SHISA9: variants seen among roughly 807,000 people sequenced by gnomAD.
The protein encoded by SHISA9 is protein shisa-9.
Under a neutral mutation model 38.0 loss-of-function variants are expected in SHISA9, and 13 were observed. The observed-to-expected ratio is 0.34, with a 90% CI of 0.22 to 0.54. The LOEUF (loss-of-function observed/expected upper bound fraction) is 0.54. SHISA9 is among the 20% of genes least tolerant of loss of function. The probability of loss-of-function intolerance (pLI) is 0.91; values close to 1 mark genes in which losing one functional copy is unlikely to be tolerated. For missense variants in SHISA9, 538 were observed against 575.8 expected (o/e 0.93, Z 0.67); for synonymous variants, 275 against 242.0 (o/e 1.14, Z -1.27).
At chr16:13,308,298 A>C in the SHISA9 span, among the ~76,000 whole-genome samples, 1 of 152,014 alleles carries the variant, frequency 6.6e-6, no homozygotes, top group African/African-American at 2.4e-5. Context: ...TATGAGTGAC[A>C]ATGTGGATGA....
chr16:13,532,038 C>G, the SHISA9 span, among the ~76,000 whole-genome samples: 1 of 152,158 alleles, frequency 6.6e-6, no homozygotes, highest in Non-Finnish European at 1.5e-5. Flanking sequence ...TTTCTGCCTC[C>G]CCTCTAAGGA....
the SHISA9 span, among the ~76,000 whole-genome samples, chr16:13,477,866 G>A: frequency 1.3e-5 from 2 of 152,206 alleles, no homozygotes; most frequent in African/African-American, 2.4e-5. Flanking sequence ...TTGGGAGGCT[G>A]AGGCAGGAGA....
intron 2 of SHISA9, among the ~76,000 whole-genome samples, chr16:13,079,825 T>C (rs4781400): frequency 0.054 from 8,167 of 152,280 alleles, 362 homozygotes; most frequent in Admixed American, 0.14. Context: ...AAAACTCTTA[T>C]GTAATGCCAG....
chr16:13,458,875 T>C, the SHISA9 span, among the ~76,000 whole-genome samples: 1 of 148,814 alleles, frequency 6.7e-6, no homozygotes, highest in Non-Finnish European at 1.5e-5. Context: ...TTGTTTTTTG[T>C]TTTTTTTTTA....
At chr16:12,921,548 G>C (rs182359895) in intron 2 of SHISA9, among the ~76,000 whole-genome samples, 77 of 152,260 alleles carry the variant, frequency 5.1e-4, no homozygotes, top group Non-Finnish European at 1.1e-3. Context: ...GATCGTTTGA[G>C]GTCAGGAGTT....
chr16:13,550,656 A>G, the SHISA9 span, among the ~76,000 whole-genome samples: 2 of 152,258 alleles, frequency 1.3e-5, no homozygotes, highest in East Asian at 1.9e-4. Context: ...TTTTAAAAAT[A>G]GCTTCCCTAC....
rs546885051 is a variant in SHISA9 at position 13,237,412 on chromosome 16, C to T, written c.*2003C>T. ...GCACAGTGGCTCACACCTAAAATCC[C>T]AGCACTTTGGGAGGCTGAAGCAGGT... is the stretch of plus-strand genomic sequence containing the variant. On this transcript the variant is annotated 3_prime_UTR_variant, in exon 5 of 5. Coordinates refer to ENST00000558583, the MANE Select transcript of SHISA9 (RefSeq NM_001145204.3). 8 of 152,152 alleles carry T rather than the reference C, an allele frequency of 5.3e-5. No homozygotes were observed. Among genetic ancestry groups the T allele is most frequent in the East Asian group, 1.9e-4 (1 of 5,150 alleles). The allele number at this position is 152,152 out of a possible 1,614,324, so 9.4% of individuals were successfully genotyped here.
At chr16:13,124,474 G>T (rs2050239932) in intron 2 of SHISA9, among the ~76,000 whole-genome samples, 1 of 152,156 alleles carries the variant, frequency 6.6e-6, no homozygotes, top group Non-Finnish European at 1.5e-5. Flanking sequence ...ACTGTTAGCA[G>T]TTTATGTGAT....
At chr16:13,003,215 C>T (rs1013283918) in intron 2 of SHISA9, among the ~76,000 whole-genome samples, 7 of 152,258 alleles carry the variant, frequency 4.6e-5, no homozygotes, top group African/African-American at 1.2e-4. Flanking sequence ...AGGTCTTGTA[C>T]GCCATGGGAA....
At chr16:13,079,820 T>A (rs1165651310) in intron 2 of SHISA9, among the ~76,000 whole-genome samples, 1 of 152,194 alleles carries the variant, frequency 6.6e-6, no homozygotes, top group Non-Finnish European at 1.5e-5. Flanking sequence ...GGGACAAAAC[T>A]CTTATGTAAT....
the SHISA9 span, among the ~76,000 whole-genome samples, chr16:13,471,510 C>G: frequency 6.6e-6 from 1 of 152,100 alleles, no homozygotes; most frequent in Non-Finnish European, 1.5e-5. Context: ...AGTGTGTGTT[C>G]CTTCCAAGCT....
chr16:13,145,298 G>T (rs566296569), intron 2 of SHISA9, among the ~76,000 whole-genome samples: 2 of 152,310 alleles, frequency 1.3e-5, no homozygotes, highest in East Asian at 3.9e-4. Context: ...GCCGAGATGG[G>T]TGGATCAGTT....
chr16:13,255,223 C>T, the SHISA9 span, among the ~76,000 whole-genome samples: 21 of 152,104 alleles, frequency 1.4e-4, no homozygotes, highest in African/African-American at 5.1e-4. Flanking sequence ...TCCTCTTCCT[C>T]TCCCTCAATT....
chr16:13,086,527 G>T (rs2073712859), intron 2 of SHISA9, among the ~76,000 whole-genome samples: 2 of 152,112 alleles, frequency 1.3e-5, no homozygotes, highest in Non-Finnish European at 2.9e-5. Context: ...ACTTGAGAAT[G>T]GATTGGAAGA....
the SHISA9 span, among the ~76,000 whole-genome samples, chr16:13,436,627 G>T: frequency 0.19 from 29,575 of 152,056 alleles, 3,145 homozygotes; most frequent in African/African-American, 0.28. Flanking sequence ...ACTTTACTCT[G>T]TGGACTCACC....
the SHISA9 span, among the ~76,000 whole-genome samples, chr16:13,287,821 T>G: frequency 6.6e-6 from 1 of 152,098 alleles, no homozygotes; most frequent in East Asian, 1.9e-4. Flanking sequence ...TTGGCAAAAA[T>G]GAAGATAAAT....
intron 2 of SHISA9, among the ~76,000 whole-genome samples, chr16:13,073,968 T>TC (rs397794205): frequency 2.4e-5 from 3 of 124,720 alleles, no homozygotes; most frequent in African/African-American, 3.6e-5. Flanking sequence ...TTTTTTTTTT[T>TC]GTTTTTTTTT....
At chr16:13,203,182 A>G (rs1352315255) in intron 2 of SHISA9, 1 of 400,960 alleles carries the variant, frequency 2.5e-6, no homozygotes, top group East Asian at 3.6e-5. Context: ...TTTTGAGATG[A>G]TGTCAGAAAA....
chr16:12,939,840 C>T (rs2071585707), intron 2 of SHISA9, among the ~76,000 whole-genome samples: 1 of 152,170 alleles, frequency 6.6e-6, no homozygotes, highest in African/African-American at 2.4e-5. Flanking sequence ...TAAGTTCTCT[C>T]CGCAGAACCT....
Sources: allele counts gnomAD v4.1 joint callset (sites outside exome capture counted in the v4.1 genomes callset), GRCh38; gene constraint gnomAD v4.1.1; transcripts MANE v1.5; gene names NCBI Gene and HGNC (gene_info 2026-07-23, HGNC 2026-07-21).